TNFAIP3: variants seen among roughly 807,000 people sequenced by gnomAD.
TNFAIP3 encodes TNF alpha induced protein 3.
A neutral mutation model predicts 72.4 loss-of-function variants in TNFAIP3; 9 were observed. The ratio of observed to expected loss-of-function variants is 0.12; its 90% CI spans 0.07 to 0.22. The LOEUF (loss-of-function observed/expected upper bound fraction) is 0.22, where lower values mean the gene tolerates loss of function less well. Ranked by LOEUF, TNFAIP3 falls within the 10% of genes least tolerant of loss-of-function variation. The pLI, the probability that TNFAIP3 is intolerant of heterozygous loss-of-function variation, is 1.00. For synonymous variants in TNFAIP3, 339 were observed against 372.6 expected, an observed-to-expected ratio of 0.91 and a Z score of 1.04; for missense variants, 833 against 1,018.7, an observed-to-expected ratio of 0.82 and a Z score of 2.48.
chr6:137,876,777 G>A lies in TNFAIP3; in HGVS notation c.806-299G>A, dbSNP rs570931930. Among the ~76,000 whole-genome samples the A allele has an allele frequency of 1.4e-3, 216 of 152,306 alleles. 2 individuals are homozygous for A. Among genetic ancestry groups the A allele is most frequent in the African/African-American group, 4.7e-3 (196 of 41,560 alleles). On this transcript the variant is annotated intron_variant, in intron 5 of 8. Transcript: ENST00000612899. ...CAACTAACCTGCCTAATGCCACACAGCTTGATAGTGACAAAGCCAGGATTC... is the reference window on the plus strand; with the variant it reads ...CAACTAACCTGCCTAATGCCACACAACTTGATAGTGACAAAGCCAGGATTC...
chr6:137,881,478 C>T lies in TNFAIP3; in HGVS notation c.*159C>T, dbSNP rs1051818014. ...AGCTCTTCGTGGTGCCCACGATGCTCAGGTTTGGTAACCCGGGAGTGTTCC... is the reference window on the plus strand; with the variant it reads ...AGCTCTTCGTGGTGCCCACGATGCTTAGGTTTGGTAACCCGGGAGTGTTCC... On this transcript the variant is annotated 3_prime_UTR_variant, in exon 9 of 9. Coordinates refer to ENST00000612899, the MANE Select transcript of TNFAIP3 (RefSeq NM_001270508.2). The surrounding 1 kb of genome is among the most constrained non-coding windows in gnomAD (Gnocchi z 5.0). The T allele has an allele frequency of 7.9e-6, 5 of 629,088 alleles. No homozygotes were observed. The highest frequency in any genetic ancestry group is 1.0e-5 in the Non-Finnish European group (4 of 390,668). 39.0% of individuals were successfully genotyped at this position (629,088 alleles called of 1,614,324 possible).
At chr6:137,873,590 A>G (rs1005907654) in intron 2 of TNFAIP3, among the ~76,000 whole-genome samples, 3 of 152,218 alleles carry the variant, frequency 2.0e-5, no homozygotes, top group Non-Finnish European at 2.9e-5. Flanking sequence ...AGGGAATTTT[A>G]TACTGGTGCA....
At position 137,876,369 on chromosome 6, in the gene TNFAIP3, A is replaced by G. The variant is rs5029949; in HGVS notation, c.805+203A>G. The G allele has an allele frequency of 0.05, 26,426 of 530,580 alleles. 1,386 individuals carry two copies. Among genetic ancestry groups the G allele is most frequent in the African/African-American group, 0.2 (10,461 of 52,038 alleles). 32.9% of individuals were successfully genotyped at this position (530,580 alleles called of 1,614,324 possible). A position where few individuals can be genotyped will look rare whatever the true frequency, so the allele number is the denominator to read the frequency against. ...TCTTTTTGAATATGACTTGGAAAGT[A>G]CTTTCATACATGATAAATTAAGGCG... On this transcript the variant is annotated intron_variant, in intron 5 of 8. Transcript: ENST00000612899.
chr6:137,878,311 A>T, intron 6 of TNFAIP3, 121 bp from the exon 7 acceptor site: 1 of 854,138 alleles, frequency 1.2e-6, no homozygotes, highest in Non-Finnish European at 1.8e-6. Context: ...CATTTCAGTG[A>T]ATGGTTCTAC....
At position 137,881,889 on chromosome 6, in the gene TNFAIP3, G is replaced by A. The variant is rs1776477356; in HGVS notation, c.*570G>A. ...TCCCTACCTGCCCGGTTCCTTTCCTGAGGACCCGGCAGAAATGCAGAACCA... is the reference window on the plus strand; with the variant it reads ...TCCCTACCTGCCCGGTTCCTTTCCTAAGGACCCGGCAGAAATGCAGAACCA... On this transcript the variant is annotated 3_prime_UTR_variant, in exon 9 of 9. Coordinates refer to ENST00000612899, the MANE Select transcript of TNFAIP3 (RefSeq NM_001270508.2). This position sits in a 1 kb window ranked among gnomAD's most constrained non-coding sequence, Gnocchi z 5.0. The A allele has an allele frequency of 1.7e-5, 4 of 232,356 alleles. No individual in the cohort carries two copies. Among genetic ancestry groups the A allele is most frequent in the Non-Finnish European group, 2.6e-5 (3 of 117,410 alleles). 14.4% of individuals were successfully genotyped at this position (232,356 alleles called of 1,614,324 possible). A position where few individuals can be genotyped will look rare whatever the true frequency, so the allele number is the denominator to read the frequency against.
chr6:137,866,765 A>G (rs1428045753), upstream of TNFAIP3: 1 of 152,372 alleles, frequency 6.6e-6, no homozygotes, highest in African/African-American at 2.4e-5. Context: ...GCACAGCCCA[A>G]ACTTTTCAGA....
At chr6:137,872,334 A>C (rs965278107) in intron 2 of TNFAIP3, among the ~76,000 whole-genome samples, 1 of 152,256 alleles carries the variant, frequency 6.6e-6, no homozygotes, top group Non-Finnish European at 1.5e-5. Flanking sequence ...ATGGATGTGC[A>C]TAATTATGAC....
intron 2 of TNFAIP3, among the ~76,000 whole-genome samples, chr6:137,873,738 T>C (rs1293199062): frequency 6.6e-6 from 1 of 152,220 alleles, no homozygotes; most frequent in Admixed American, 6.5e-5. Flanking sequence ...CGATCTTTTT[T>C]GTTCATTTGT....
At position 137,875,655 on chromosome 6, in the gene TNFAIP3, A is replaced by T; in HGVS notation, c.487-33A>T. On this transcript the variant is annotated intron_variant, in intron 3 of 8. Coordinates refer to ENST00000612899, the MANE Select transcript of TNFAIP3 (RefSeq NM_001270508.2). ...TTTTAGTACAGGGAGTACAGGATAC[A>T]TTCAAGCTTTTTTTTCACCCCGCTC... 2.5e-6 allele frequency: 4 copies of T among 1,613,154 alleles called. No individual in the cohort carries two copies. In the South Asian group the frequency reaches 4.4e-5, roughly 18 times the overall value.
In TNFAIP3 at chr6:137,882,362, T is replaced by A; in HGVS notation, c.*1043T>A. On this transcript the variant is annotated 3_prime_UTR_variant, in exon 9 of 9. Transcript: ENST00000612899. ...ATTTAAGTGAAGATATTTCTTCAGC[T>A]CTGGGGAAAATGCCACAGTGTTCTC... The A allele has an allele frequency of 4.3e-6, 1 of 232,672 alleles. No individual in the cohort carries two copies. Among genetic ancestry groups the A allele is most frequent in the Non-Finnish European group, 8.5e-6 (1 of 117,634 alleles). 14.4% of individuals were successfully genotyped at this position (232,672 alleles called of 1,614,324 possible). A position where few individuals can be genotyped will look rare whatever the true frequency, so the allele number is the denominator to read the frequency against.
chr6:137,874,687 T>G (rs948014470), intron 2 of TNFAIP3, among the ~76,000 whole-genome samples, 158 bp from the exon 3 acceptor site: 4 of 152,210 alleles, frequency 2.6e-5, no homozygotes, highest in African/African-American at 9.7e-5. Context: ...GTCATCATCT[T>G]GTGAAATATC....
rs1776273523 is a variant in TNFAIP3, at chr6:137,877,056, TG to T, written c.806-19del. On this transcript the variant is annotated intron_variant, in intron 5 of 8. Transcript: ENST00000612899. ...GTTTAGTAGAATACTGTTTTACTTA[TG>T]TATTATTTTTTTCCTTAGAAATCCG... 1 of 1,563,444 alleles carries T rather than the reference TG, an allele frequency of 6.4e-7. No homozygotes were observed. The highest frequency in any genetic ancestry group is 1.4e-5 in the African/African-American group (1 of 73,196).
chr6:137,881,461 G>A lies in TNFAIP3; in HGVS notation c.*142G>A, dbSNP rs544427839. 7.2e-5 allele frequency: 53 copies of A among 740,276 alleles called. No homozygotes were observed. Among genetic ancestry groups the A allele is most frequent in the South Asian group, 4.7e-4 (17 of 36,330 alleles). 45.9% of individuals were successfully genotyped at this position (740,276 alleles called of 1,614,324 possible). Reference sequence around the variant, plus strand: ...GCAGGAGAGGAAAGATAAGCTCTTCGTGGTGCCCACGATGCTCAGGTTTGG... The same window carrying A: ...GCAGGAGAGGAAAGATAAGCTCTTCATGGTGCCCACGATGCTCAGGTTTGG... On this transcript the variant is annotated 3_prime_UTR_variant, in exon 9 of 9. Transcript: ENST00000612899. The surrounding 1 kb of genome is among the most constrained non-coding windows in gnomAD (Gnocchi z 5.0).
rs2114504434 is a variant in TNFAIP3 at position 137,879,166 on chromosome 6, C to T, written c.1721C>T (p.Pro574Leu). ...GATCCCTCGCGGCTCGTCCGGAGCC[C>T]CTCCCCGCATTCTTGCCACAGAGCT... ...KSDPSRLVRS[P>L]SPHSCHRAGN... Residue 574 changes from proline to leucine, a missense_variant, in exon 7 of 9, where the codon CCC becomes CTC. Physicochemically the swap from Pro to Leu is moderately conservative, Grantham distance 98 (BLOSUM62 -3). This residue lies in a region of TNFAIP3 where 587 missense variants were observed against 657.8 expected (regional missense o/e 0.89). Coordinates refer to ENST00000612899, the MANE Select transcript of TNFAIP3 (RefSeq NM_001270508.2). 1.9e-6 allele frequency: 3 copies of T among 1,614,166 alleles called. No individual in the cohort carries two copies. The highest frequency in any genetic ancestry group is 1.3e-5 in the African/African-American group (1 of 75,050).
In TNFAIP3 at chr6:137,875,746, C is replaced by A. The variant is rs776217388; in HGVS notation, c.545C>A (p.Ala182Asp). The A allele has an allele frequency of 1.9e-6, 3 of 1,614,124 alleles. No individual in the cohort carries two copies. The South Asian group carries it at 3.3e-5, about 18-fold the overall frequency. ...ATGGCTTCCACAGACACACCCATGG[C>A]CCGAAGTGGACTTCAGTACAACTCA... Reference protein sequence around the residue: ...IKMASTDTPMARSGLQYNSLE... With the variant: ...IKMASTDTPMDRSGLQYNSLE... Residue 182 changes from alanine to aspartate, a missense_variant, in exon 4 of 9, where the codon GCC (alanine) becomes GAC (aspartate). This residue lies in a region of TNFAIP3 where 246 missense variants were observed against 360.9 expected (regional missense o/e 0.68). Coordinates refer to ENST00000612899, the MANE Select transcript of TNFAIP3 (RefSeq NM_001270508.2).
chr6:137,880,819 T>TC (rs911038458), intron 8 of TNFAIP3, among the ~76,000 whole-genome samples: 19 of 152,106 alleles, frequency 1.2e-4, no homozygotes, highest in Non-Finnish European at 2.6e-4. Flanking sequence ...TTCCTCAGCC[T>TC]CCCTGGGGGC....
At position 137,882,868 on chromosome 6, in the gene TNFAIP3, A is replaced by AG; in HGVS notation, c.*1549_*1550insG. On this transcript the variant is annotated 3_prime_UTR_variant, in exon 9 of 9. Coordinates refer to ENST00000612899, the MANE Select transcript of TNFAIP3 (RefSeq NM_001270508.2). ...TTGCTGTCATATTTGCTCTAGAAGA[A>AG]AAAAAAAAAAGGAGGGGAAATGCAT... is the stretch of plus-strand genomic sequence containing the variant. 1 of 210,088 alleles carries AG rather than the reference A, an allele frequency of 4.8e-6. No homozygotes were observed. Among genetic ancestry groups the AG allele is most frequent in the Non-Finnish European group, 9.6e-6 (1 of 104,584 alleles). 13.0% of individuals were successfully genotyped at this position (210,088 alleles called of 1,614,324 possible).
At position 137,876,394 on chromosome 6, in the gene TNFAIP3, G is replaced by A. The variant is rs191871305; in HGVS notation, c.805+228G>A. On this transcript the variant is annotated intron_variant, in intron 5 of 8. Transcript: ENST00000612899. ...ACTTTCATACATGATAAATTAAGGC[G>A]CACAGTGCTCTTAATACAGTGCCTG... 102 of 464,838 alleles carry A rather than the reference G, an allele frequency of 2.2e-4. 1 individual carries two copies. Among genetic ancestry groups the A allele is most frequent in the Middle Eastern group, 5.8e-4 (1 of 1,722 alleles). 28.8% of individuals were successfully genotyped at this position (464,838 alleles called of 1,614,324 possible). A position where few individuals can be genotyped will look rare whatever the true frequency, so the allele number is the denominator to read the frequency against.
chr6:137,883,013 C>CCAGCT lies in TNFAIP3; in HGVS notation c.*1695_*1696insAGCTC, dbSNP rs1776512493. 4.5e-6 allele frequency: 1 copy of CCAGCT among 222,156 alleles called. No individual in the cohort carries two copies. Among genetic ancestry groups the CCAGCT allele is most frequent in the African/African-American group, 2.2e-5 (1 of 44,608 alleles). 13.8% of individuals were successfully genotyped at this position (222,156 alleles called of 1,614,324 possible). ...ATTAGGCACACTTTCCCCTTAGAGC[C>CCAGCT]CCCTAAGTTTTTCCCAGACGAATCT... On this transcript the variant is annotated 3_prime_UTR_variant, in exon 9 of 9. Transcript: ENST00000612899.
Sources: allele counts gnomAD v4.1 joint callset (sites outside exome capture counted in the v4.1 genomes callset), GRCh38; gene constraint gnomAD v4.1.1; regional missense constraint gnomAD v4.1.1; non-coding constraint Gnocchi (gnomAD v3.1); transcripts MANE v1.5; gene names NCBI Gene and HGNC (gene_info 2026-07-23, HGNC 2026-07-21).